ACSL3: variants seen among roughly 807,000 people sequenced by gnomAD.
ACSL3 encodes the protein fatty acid CoA ligase Acsl3.
A neutral mutation model predicts 84.7 loss-of-function variants in ACSL3; 34 were observed. The observed-to-expected ratio is 0.40, with a 90% CI of 0.31 to 0.53. ACSL3 has a LOEUF of 0.53. ACSL3 is among the 20% of genes least tolerant of loss of function. The pLI is 0.48. For synonymous variants in ACSL3, 315 were observed against 299.4 expected (o/e 1.05, Z -0.54); for missense variants, 680 against 873.1 (o/e 0.78, Z 2.79).
chr2:222,920,517 A>T (rs914223408), intron 7 of ACSL3, among the ~76,000 whole-genome samples: 2 of 152,218 alleles, frequency 1.3e-5, no homozygotes, highest in African/African-American at 4.8e-5. Flanking sequence ...ACCATTCTGA[A>T]GCAGTGAATA....
rs192443253 is a variant in ACSL3, at chr2:222,868,942, C to T, written c.-207+7684C>T. ...CCAAGATCATGCCATTGCACTCCAG[C>T]CTGGGCAACAGAGGGAGACGCTGTC... On this transcript the variant is annotated intron_variant, in intron 1 of 16. Transcript: ENST00000357430. Among the ~76,000 whole-genome samples, 14 of 151,214 alleles carry T rather than the reference C, an allele frequency of 9.3e-5. No individual in the cohort carries two copies. In the East Asian group the frequency reaches 2.7e-3, roughly 29 times the overall value.
Position 222,930,601 on chromosome 2 carries a change from C to A in ACSL3, c.1541-20C>A. On this transcript the variant is annotated intron_variant, in intron 13 of 16. Coordinates refer to ENST00000357430, the MANE Select transcript of ACSL3 (RefSeq NM_004457.5). ...GTGTTGTATTTAACTCAACTATTAA[C>A]TCAATTATTATTTTATTAGGTGGAT... is the stretch of plus-strand genomic sequence containing the variant. The A allele has an allele frequency of 1.3e-6, 2 of 1,549,190 alleles. No individual in the cohort carries two copies. The highest frequency in any genetic ancestry group is 1.7e-6 in the Non-Finnish European group (2 of 1,145,826).
intron 1 of ACSL3, among the ~76,000 whole-genome samples, chr2:222,866,881 C>T: frequency 1.4e-5 from 2 of 138,556 alleles, no homozygotes; most frequent in South Asian, 2.6e-4. Context: ...GTCACCTATG[C>T]TGGAGTGCAG....
chr2:222,924,511 G>A lies in ACSL3; in HGVS notation c.1208G>A (p.Ser403Asn), dbSNP rs1696823587. The A allele has an allele frequency of 3.7e-6, 6 of 1,610,470 alleles. No homozygotes were observed. Among genetic ancestry groups the A allele is most frequent in the Non-Finnish European group, 5.1e-6 (6 of 1,178,430 alleles). Reference sequence around the variant, plus strand: ...ATGAATAAAGTCAGTGAAATGAGTAGTTTTCAACGTAATCTGTTTATTCTG... The same window carrying A: ...ATGAATAAAGTCAGTGAAATGAGTAATTTTCAACGTAATCTGTTTATTCTG... ...NVMNKVSEMSSFQRNLFILAY... is the reference protein window; with the variant it reads ...NVMNKVSEMSNFQRNLFILAY... Residue 403 changes from serine to asparagine, a missense_variant, in exon 11 of 17, where the codon AGT becomes AAT. Ser to Asn is a conservative substitution (Grantham distance 46, BLOSUM62 1). Around this residue, in one of 2 missense-constraint regions of ACSL3, gnomAD observed 347 missense variants for 525.7 expected, o/e 0.66. Coordinates refer to ENST00000357430, the MANE Select transcript of ACSL3 (RefSeq NM_004457.5).
chr2:222,912,016 A>G (rs966119100), intron 4 of ACSL3, among the ~76,000 whole-genome samples: 7 of 152,258 alleles, frequency 4.6e-5, no homozygotes, highest in African/African-American at 1.7e-4. Flanking sequence ...AGCATTTGCT[A>G]TGAAATTGGC....
chr2:222,889,224 A>G (rs773869796), intron 2 of ACSL3, among the ~76,000 whole-genome samples: 28 of 152,196 alleles, frequency 1.8e-4, no homozygotes, highest in Non-Finnish European at 2.8e-4. Context: ...CAGTGCATTT[A>G]TGTGTGCTCA....
At chr2:222,868,335 C>T (rs1253527116) in intron 1 of ACSL3, among the ~76,000 whole-genome samples, 1 of 152,190 alleles carries the variant, frequency 6.6e-6, no homozygotes, top group Non-Finnish European at 1.5e-5. Context: ...ATTTCTTCAT[C>T]TGTAAAATGG....
chr2:222,930,857 G>A (rs563337332), intron 14 of ACSL3, 45 bp downstream of exon 14: 2 of 1,509,892 alleles, frequency 1.3e-6, no homozygotes, highest in Non-Finnish European at 1.8e-6. Flanking sequence ...TTCTGAAATA[G>A]TTTACACAAG....
intron 1 of ACSL3, among the ~76,000 whole-genome samples, chr2:222,877,905 T>C (rs921357548): frequency 7.9e-5 from 12 of 152,234 alleles, no homozygotes; most frequent in African/African-American, 2.9e-4. Context: ...TTTCTTGTTA[T>C]TAATTTCAAA....
chr2:222,917,098 T>G (rs1696604805), intron 5 of ACSL3, among the ~76,000 whole-genome samples: 1 of 152,176 alleles, frequency 6.6e-6, no homozygotes, highest in Non-Finnish European at 1.5e-5. Flanking sequence ...CCTTTTCTTT[T>G]TCTTTTTTTT....
At chr2:222,899,256 G>A (rs1372435829) in intron 2 of ACSL3, among the ~76,000 whole-genome samples, 1 of 152,142 alleles carries the variant, frequency 6.6e-6, no homozygotes, top group African/African-American at 2.4e-5. Context: ...AGCTGTTCAA[G>A]TTTACTTTTA....
intron 4 of ACSL3, among the ~76,000 whole-genome samples, chr2:222,910,556 A>T (rs997746415): frequency 2.0e-5 from 3 of 152,188 alleles, no homozygotes; most frequent in African/African-American, 4.8e-5. Flanking sequence ...TCCTCTATAT[A>T]TGGCCCATTA....
intron 3 of ACSL3, among the ~76,000 whole-genome samples, chr2:222,906,512 T>G (rs1181939683): frequency 6.6e-6 from 1 of 152,148 alleles, no homozygotes; most frequent in Non-Finnish European, 1.5e-5. Flanking sequence ...AGGCTTGTCA[T>G]GTCAAAAAGG....
intron 2 of ACSL3, among the ~76,000 whole-genome samples, chr2:222,900,335 G>A (rs1696106721): frequency 6.6e-6 from 1 of 151,980 alleles, no homozygotes; most frequent in African/African-American, 2.4e-5. Context: ...CGGCCCCATG[G>A]ATTGGTTTCT....
At chr2:222,909,177 A>C in intron 4 of ACSL3, 27 bp downstream of exon 4, 1 of 1,573,938 alleles carries the variant, frequency 6.4e-7, no homozygotes. Context: ...TTGCCTTTGA[A>C]TTCTTTCGAA....
intron 1 of ACSL3, among the ~76,000 whole-genome samples, chr2:222,883,099 A>G (rs1242886533): frequency 1.3e-5 from 2 of 149,842 alleles, no homozygotes; most frequent in African/African-American, 4.9e-5. Flanking sequence ...ACCTCCTTTT[A>G]TTCTGATATG....
chr2:222,914,802 A>C (rs1443113122), intron 4 of ACSL3, among the ~76,000 whole-genome samples: 3 of 152,256 alleles, frequency 2.0e-5, no homozygotes, highest in Non-Finnish European at 4.4e-5. Flanking sequence ...ATCAGATACA[A>C]TATAGAGTGG....
intron 16 of ACSL3, among the ~76,000 whole-genome samples, chr2:222,937,798 A>ATTGAT (rs1435223484): frequency 1.4e-4 from 21 of 152,202 alleles, no homozygotes; most frequent in Non-Finnish European, 2.2e-4. Flanking sequence ...TCAGGTCATT[A>ATTGAT]TTGATATGAA....
chr2:222,874,993 A>G (rs1391086550), intron 1 of ACSL3, among the ~76,000 whole-genome samples: 3 of 152,108 alleles, frequency 2.0e-5, no homozygotes, highest in South Asian at 4.1e-4. Context: ...AGAATTAAAA[A>G]TCTTCATTTA....
Sources: allele counts gnomAD v4.1 joint callset (sites outside exome capture counted in the v4.1 genomes callset), GRCh38; gene constraint gnomAD v4.1.1; regional missense constraint gnomAD v4.1.1; transcripts MANE v1.5; gene names NCBI Gene and HGNC (gene_info 2026-07-23, HGNC 2026-07-21).